The following TCN2 variants were observed in gnomAD, a reference collection of about 807,000 sequenced individuals.
TCN2 encodes transcobalamin 2, also known as transcobalamin-2.
In TCN2, 34 loss-of-function variants were observed where a neutral mutation model predicts 48.6. The ratio of observed to expected loss-of-function variants is 0.70; its 90% confidence interval spans 0.53 to 0.93. The LOEUF is 0.93. Among genes scored for constraint, TCN2 ranks in the 40% least tolerant of loss-of-function variants. The pLI is 0.00. For synonymous variants in TCN2, 283 were observed against 212.5 expected, an observed-to-expected ratio of 1.33 and a Z score of -2.89; for missense variants, 652 against 526.1, an observed-to-expected ratio of 1.24 and a Z score of -2.34.
At chr22:30,619,214 AC>A (rs1379349434) in intron 7 of TCN2, among the ~76,000 whole-genome samples, 1 of 152,200 alleles carries the variant, frequency 6.6e-6, no homozygotes, top group African/African-American at 2.4e-5. Flanking sequence ...GCTGGGAACA[AC>A]AGGCATGCGC....
Position 30,617,746 on chromosome 22 carries a change from A to G in TCN2, c.1106+251A>G. 7.7e-6 allele frequency: 4 copies of G among 522,410 alleles called. No homozygotes were observed. In the South Asian group the frequency reaches 7.9e-5, roughly 10 times the overall value. The allele number at this position is 522,410 out of a possible 1,614,324, so 32.4% of individuals were successfully genotyped here. A position where few individuals can be genotyped will look rare whatever the true frequency, so the allele number is the denominator to read the frequency against. On this transcript the variant is annotated intron_variant, in intron 7 of 8. Coordinates refer to ENST00000215838, the MANE Select transcript of TCN2 (RefSeq NM_000355.4). ...GTTGGAATCCCAACTCTAACCAGCT[A>G]GGTTCCAGGTAGGCACCCACAATTC...
chr22:30,623,482 G>A (rs959929181), intron 8 of TCN2, among the ~76,000 whole-genome samples: 1 of 151,700 alleles, frequency 6.6e-6, no homozygotes, highest in African/African-American at 2.4e-5. Flanking sequence ...CCTTCCTAGA[G>A]CCCAAGTGGT....
At chr22:30,623,849 T>TATAC (rs1569046620) in intron 8 of TCN2, among the ~76,000 whole-genome samples, 3 of 34,178 alleles carry the variant, frequency 8.8e-5, no homozygotes, top group Non-Finnish European at 1.6e-4. Flanking sequence ...CACACATACA[T>TATAC]ACACATACAT....
chr22:30,625,356 ATGG>A (rs1304841409), intron 8 of TCN2, among the ~76,000 whole-genome samples: 2 of 152,080 alleles, frequency 1.3e-5, no homozygotes, highest in African/African-American at 4.8e-5. Flanking sequence ...GTGTTCTCAC[ATGG>A]TGGAAGGAAC....
In TCN2 at chr22:30,625,411, A is replaced by T. The variant is rs576673281; in HGVS notation, c.1223-1049A>T. Among the ~76,000 whole-genome samples the T allele has an allele frequency of 1.2e-4, 18 of 152,142 alleles. No individual in the cohort carries two copies. In the South Asian group the frequency reaches 2.5e-3, roughly 21 times the overall value. ...GCCTTGTTTTTTAATTTAAAAAAAA[A>T]AAATATTTTCCTGGCCCTTGCCTGC... is the stretch of plus-strand genomic sequence containing the variant. On this transcript the variant is annotated intron_variant, in intron 8 of 8. Transcript: ENST00000215838.
intron 1 of TCN2, among the ~76,000 whole-genome samples, chr22:30,608,489 G>C (rs2087485813): frequency 6.6e-6 from 1 of 151,424 alleles, no homozygotes; most frequent in Non-Finnish European, 1.5e-5. Flanking sequence ...GTGGGTTCAA[G>C]TGATTCCCCC....
Position 30,610,896 on chromosome 22 carries a change from G to T in TCN2, c.90G>T (p.Leu30=), listed in dbSNP as rs576996415. Residue 30 remains leucine (L), a synonymous_variant, in exon 2 of 9, where the codon CTG becomes CTT. Transcript: ENST00000215838. ...MCEIPEMDSH[L]VEKLGQHLLP... Reference sequence around the variant, plus strand: ...AAATACCAGAGATGGACAGCCATCTGGTAGAGAAGTTGGGCCAGCACCTCT... The same window carrying T: ...AAATACCAGAGATGGACAGCCATCTTGTAGAGAAGTTGGGCCAGCACCTCT... 1 of 1,614,076 alleles carries T rather than the reference G, an allele frequency of 6.2e-7. No homozygotes were observed. The highest frequency in any genetic ancestry group is 1.3e-5 in the African/African-American group (1 of 74,916).
intron 7 of TCN2, among the ~76,000 whole-genome samples, chr22:30,620,239 GC>G (rs917400604): frequency 1.3e-5 from 2 of 152,116 alleles, no homozygotes; most frequent in Admixed American, 1.3e-4. Context: ...ATTACTTGAG[GC>G]CAGGAGTTCA....
rs1264427665 is a variant in TCN2, at chr22:30,616,755, C to T, written c.941-575C>T. Among the ~76,000 whole-genome samples the T allele has an allele frequency of 4.6e-5, 7 of 152,116 alleles. No homozygotes were observed. The South Asian group carries it at 8.3e-4, about 18-fold the overall frequency. ...GACAGAGGTTGCAGTGAGCCGAGATCGCGCCATTGCACTTCAGCCTGGGCG... is the reference window on the plus strand; with the variant it reads ...GACAGAGGTTGCAGTGAGCCGAGATTGCGCCATTGCACTTCAGCCTGGGCG... On this transcript the variant is annotated intron_variant, in intron 6 of 8. Transcript: ENST00000215838.
chr22:30,624,640 G>A (rs1006597189), intron 8 of TCN2, among the ~76,000 whole-genome samples: 1 of 152,182 alleles, frequency 6.6e-6, no homozygotes, highest in Non-Finnish European at 1.5e-5. Context: ...AGACAGGAGG[G>A]TGAGAGCTAG....
intron 7 of TCN2, among the ~76,000 whole-genome samples, chr22:30,618,489 C>T (rs1208551868): frequency 1.3e-5 from 2 of 151,884 alleles, no homozygotes; most frequent in Admixed American, 6.6e-5. Context: ...GTAGCTGGCG[C>T]TACAGGCGCG....
chr22:30,610,752 G>A (rs2087525320), intron 1 of TCN2, 119 bp from the exon 2 acceptor site: 2 of 1,023,350 alleles, frequency 2.0e-6, no homozygotes, highest in African/African-American at 3.1e-5. Flanking sequence ...GTTGGTGTGT[G>A]CTGGGTGGAG....
At chr22:30,618,466 C>T (rs962546444) in intron 7 of TCN2, among the ~76,000 whole-genome samples, 4 of 152,026 alleles carry the variant, frequency 2.6e-5, no homozygotes, top group African/African-American at 7.3e-5. Context: ...ATTGTCCTGC[C>T]TCAGCCTCCT....
rs563356530 is a variant in TCN2, at chr22:30,608,681, T to C, written c.64+1286T>C. 1.4e-3 allele frequency among the ~76,000 whole-genome samples: 208 copies of C among 152,246 alleles called. 5 individuals are homozygous for C. Among genetic ancestry groups the C allele is most frequent in the African/African-American group, 4.0e-3 (168 of 41,550 alleles). On this transcript the variant is annotated intron_variant, in intron 1 of 8. Coordinates refer to ENST00000215838, the MANE Select transcript of TCN2 (RefSeq NM_000355.4). ...CTGAGATTACAGGCGTGAGCCACCG[T>C]GCCCGGCCAGAACTCCAAGCCTCTC...
intron 7 of TCN2, among the ~76,000 whole-genome samples, chr22:30,622,249 A>G (rs1304113646): frequency 1.3e-5 from 2 of 151,816 alleles, no homozygotes; most frequent in African/African-American, 4.8e-5. Context: ...GGCCTCCCAA[A>G]GTACTGGGAT....
At chr22:30,624,660 G>A (rs545035235) in intron 8 of TCN2, among the ~76,000 whole-genome samples, 2 of 152,294 alleles carry the variant, frequency 1.3e-5, no homozygotes, top group South Asian at 4.1e-4. Flanking sequence ...GGTGGACCCA[G>A]CCAGGAAGCA....
At chr22:30,609,705 C>T (rs1261840148) in intron 1 of TCN2, among the ~76,000 whole-genome samples, 1 of 152,100 alleles carries the variant, frequency 6.6e-6, no homozygotes, top group Non-Finnish European at 1.5e-5. Context: ...AAATGGTTCT[C>T]AGTGACAGAA....
intron 7 of TCN2, among the ~76,000 whole-genome samples, chr22:30,622,483 A>T (rs1387502868): frequency 6.6e-6 from 1 of 152,200 alleles, no homozygotes; most frequent in Non-Finnish European, 1.5e-5. Context: ...GAGGAGGCTG[A>T]GCCATGCAGC....
chr22:30,626,095 C>G (rs553124784), intron 8 of TCN2, among the ~76,000 whole-genome samples: 1 of 152,124 alleles, frequency 6.6e-6, no homozygotes, highest in South Asian at 2.1e-4. Context: ...CAGGCGTCCT[C>G]CTAGAGCCTG....
Sources: gnomAD v4.1 joint callset for allele counts (sites outside exome capture counted in the v4.1 genomes callset) on GRCh38, gnomAD v4.1.1 for gene constraint, MANE v1.5 for transcripts, NCBI Gene and HGNC (gene_info 2026-07-23, HGNC 2026-07-21) for gene names.